The following DIAPH2 variants were observed in gnomAD, a reference collection of about 807,000 sequenced individuals.
DIAPH2 encodes protein diaphanous homolog 2.
DIAPH2 carries 35 observed loss-of-function variants against 92.7 expected under a neutral mutation model. The ratio of observed to expected loss-of-function variants is 0.38; its 90% CI spans 0.29 to 0.50. DIAPH2 has a LOEUF of 0.50. DIAPH2 is among the 20% of genes least tolerant of loss of function. The pLI is 0.94. For missense variants in DIAPH2, 701 were observed against 819.5 expected, an observed-to-expected ratio of 0.86 and a Z score of 1.77; for synonymous variants, 301 against 280.4, an observed-to-expected ratio of 1.07 and a Z score of -0.73.
chrX:97,018,055 A>G (rs190072423), intron 17 of DIAPH2, among the ~76,000 whole-genome samples: 29 of 112,671 alleles, frequency 2.6e-4, no homozygotes, highest in East Asian at 1.1e-3. Flanking sequence ...ATTTGCATTT[A>G]TTAATCTGAC....
intron 4 of DIAPH2, among the ~76,000 whole-genome samples, chrX:96,794,801 A>T (rs1446822434): frequency 8.9e-6 from 1 of 111,954 alleles, no homozygotes; most frequent in Non-Finnish European, 1.9e-5. Context: ...GGAACCCAGA[A>T]ATCTGAAATT....
chrX:96,770,367 T>C (rs772607765), intron 4 of DIAPH2, among the ~76,000 whole-genome samples: 1 of 111,849 alleles, frequency 8.9e-6, no homozygotes, highest in Admixed American at 9.5e-5. Flanking sequence ...TAAATTGAAG[T>C]TTTATTAGTT....
intron 4 of DIAPH2, among the ~76,000 whole-genome samples, chrX:96,872,547 A>G (rs1283186947): frequency 1.0e-5 from 1 of 98,520 alleles, no homozygotes; most frequent in African/African-American, 3.9e-5. Context: ...GCTGGAGTGC[A>G]GTGGTGTGAT....
chrX:96,771,573 C>T (rs2064339380), intron 4 of DIAPH2, among the ~76,000 whole-genome samples: 1 of 111,343 alleles, frequency 9.0e-6, no homozygotes, highest in South Asian at 3.7e-4. Context: ...GTAATATAGT[C>T]TCTACAATAT....
intron 26 of DIAPH2, among the ~76,000 whole-genome samples, chrX:97,532,093 T>G (rs1041284995): frequency 1.7e-4 from 19 of 113,023 alleles, no homozygotes; most frequent in South Asian, 3.6e-4. Flanking sequence ...TGGCACAATG[T>G]AGATCTATTT....
At chrX:96,986,229 T>G (rs1230262561) in intron 17 of DIAPH2, among the ~76,000 whole-genome samples, 9 of 111,417 alleles carry the variant, frequency 8.1e-5, no homozygotes, top group African/African-American at 2.9e-4. Flanking sequence ...CTTTTCTAAT[T>G]TTTTGCACTT....
intron 26 of DIAPH2, among the ~76,000 whole-genome samples, chrX:97,571,164 C>A (rs1199443276): frequency 9.0e-6 from 1 of 110,907 alleles, no homozygotes; most frequent in Non-Finnish European, 1.9e-5. Flanking sequence ...AATAGGTGGC[C>A]AGTAAGGATA....
chrX:96,782,568 G>A (rs972060493), intron 4 of DIAPH2, among the ~76,000 whole-genome samples: 11 of 111,179 alleles, frequency 9.9e-5, no homozygotes, highest in African/African-American at 3.6e-4. Context: ...CAAAGTGCTG[G>A]GATTACAGGC....
intron 26 of DIAPH2, among the ~76,000 whole-genome samples, chrX:97,594,891 A>G (rs2071540866): frequency 9.0e-6 from 1 of 111,658 alleles, no homozygotes; most frequent in African/African-American, 3.3e-5. Flanking sequence ...CTAGGCAACA[A>G]CAGATGGACG....
At chrX:97,008,944 C>G (rs1039291242) in intron 17 of DIAPH2, among the ~76,000 whole-genome samples, 5 of 111,119 alleles carry the variant, frequency 4.5e-5, no homozygotes, top group African/African-American at 1.6e-4. Context: ...CCTGTGTTTG[C>G]TCAAGGCCCT....
At position 97,602,014 on chromosome X, in the gene DIAPH2, A is replaced by ATGAC. The variant is rs2147892324; in HGVS notation, c.*2699_*2702dup. On this transcript the variant is annotated 3_prime_UTR_variant, in exon 27 of 27. Coordinates refer to ENST00000324765, the MANE Select transcript of DIAPH2 (RefSeq NM_006729.5). ...CCTCTGTTTAATAAGGATCCTTATG[A>ATGAC]TGACTTTTAGGGACTACCCAGATTA... 1 of 111,812 alleles carries ATGAC rather than the reference A, an allele frequency of 8.9e-6. No individual in the cohort carries two copies. Among genetic ancestry groups the ATGAC allele is most frequent in the East Asian group, 2.8e-4 (1 of 3,568 alleles). The allele number at this position is 111,812 out of a possible 1,213,427, so 9.2% of individuals were successfully genotyped here.
At chrX:96,757,424 G>A (rs1767286836) in intron 3 of DIAPH2, among the ~76,000 whole-genome samples, 1 of 111,716 alleles carries the variant, frequency 9.0e-6, no homozygotes, top group African/African-American at 3.3e-5. Flanking sequence ...TTCCAACTTG[G>A]TTTTGTGACC....
chrX:96,945,592 G>A lies in DIAPH2; in HGVS notation c.1509+1G>A. 1 of 1,138,858 alleles carries A rather than the reference G, an allele frequency of 8.8e-7. No individual in the cohort carries two copies. Among genetic ancestry groups the A allele is most frequent in the Non-Finnish European group, 1.2e-6 (1 of 861,577 alleles). 93.9% of individuals were successfully genotyped at this position (1,138,858 alleles called of 1,213,427 possible). On this transcript the variant is annotated splice_donor_variant, in intron 14 of 26. Coordinates refer to ENST00000324765, the MANE Select transcript of DIAPH2 (RefSeq NM_006729.5). LOFTEE classifies it high-confidence loss of function. ...AAAAGCTGCAGAGTTTTCAAAGAAGGTAAGCTTATAAAATATTAGCCATAA... is the reference window on the plus strand; with the variant it reads ...AAAAGCTGCAGAGTTTTCAAAGAAGATAAGCTTATAAAATATTAGCCATAA...
At chrX:97,192,558 C>G (rs2067663830) in intron 22 of DIAPH2, among the ~76,000 whole-genome samples, 1 of 111,297 alleles carries the variant, frequency 9.0e-6, no homozygotes, top group African/African-American at 3.3e-5. Flanking sequence ...TTTCATCAGC[C>G]TGTAAATGAT....
At chrX:97,214,559 G>T (rs756527352) in intron 22 of DIAPH2, among the ~76,000 whole-genome samples, 32 of 110,599 alleles carry the variant, frequency 2.9e-4, no homozygotes, top group Non-Finnish European at 5.7e-4. Context: ...GGCTGGGCAC[G>T]GTGGCTCATG....
At chrX:96,838,966 A>G (rs1349793206) in intron 4 of DIAPH2, among the ~76,000 whole-genome samples, 1 of 111,916 alleles carries the variant, frequency 8.9e-6, no homozygotes, top group Non-Finnish European at 1.9e-5. Context: ...AATGTTTATC[A>G]TCAAATTTTT....
intron 25 of DIAPH2, among the ~76,000 whole-genome samples, chrX:97,385,086 A>C (rs2069587001): frequency 9.0e-6 from 1 of 110,786 alleles, no homozygotes; most frequent in African/African-American, 3.3e-5. Flanking sequence ...TAGAGAATTT[A>C]GGAACAAAAC....
intron 21 of DIAPH2, among the ~76,000 whole-genome samples, chrX:97,122,676 T>G (rs944395519): frequency 8.9e-6 from 1 of 112,219 alleles, no homozygotes; most frequent in Admixed American, 9.4e-5. Context: ...AGAAAATGAC[T>G]TTGTGGGTTA....
chrX:96,784,381 G>A (rs1189780920), intron 4 of DIAPH2, among the ~76,000 whole-genome samples: 1 of 111,779 alleles, frequency 8.9e-6, no homozygotes, highest in East Asian at 2.8e-4. Context: ...TTGATTTCTT[G>A]TAGTTATAGA....
Sources: allele counts gnomAD v4.1 joint callset (sites outside exome capture counted in the v4.1 genomes callset), GRCh38; gene constraint gnomAD v4.1.1; transcripts MANE v1.5; gene names NCBI Gene and HGNC (gene_info 2026-07-23, HGNC 2026-07-21).